Variants in USP16 observed in about 807,000 individuals in gnomAD.
The protein encoded by USP16 is ubiquitin specific peptidase 16, also known as ubiquitin carboxyl-terminal hydrolase 16.
In USP16, 77 loss-of-function variants were observed where a neutral mutation model predicts 95.9. That is an observed-to-expected ratio of 0.80 (90% CI 0.67 to 0.97). The LOEUF (loss-of-function observed/expected upper bound fraction) is 0.97. USP16 is among the 50% of genes least tolerant of loss of function. USP16 has a pLI of 0.00. For missense variants in USP16, 943 were observed against 959.9 expected (o/e 0.98, Z 0.23); for synonymous variants, 303 against 318.2 (o/e 0.95, Z 0.51).
At chr21:29,029,182 G>A (rs1272413827) in intron 2 of USP16, among the ~76,000 whole-genome samples, 1 of 152,244 alleles carries the variant, frequency 6.6e-6, no homozygotes, top group Non-Finnish European at 1.5e-5. Flanking sequence ...GGGAGGCCAA[G>A]GCGGGCAGAT....
At chr21:29,037,542 C>A in intron 6 of USP16, 79 bp downstream of exon 6, 3 of 1,071,042 alleles carry the variant, frequency 2.8e-6, no homozygotes, top group Non-Finnish European at 3.8e-6. Flanking sequence ...TGAGTTTTTT[C>A]CACCTGAGTA....
intron 4 of USP16, among the ~76,000 whole-genome samples, chr21:29,036,002 T>C (rs2085150687): frequency 6.6e-6 from 1 of 152,234 alleles, no homozygotes; most frequent in African/African-American, 2.4e-5. Flanking sequence ...ATGTAAACAA[T>C]CTTTTGACTT....
intron 9 of USP16, 70 bp downstream of exon 9, chr21:29,039,638 A>G (rs1034236161): frequency 1.4e-6 from 2 of 1,421,614 alleles, no homozygotes; most frequent in African/African-American, 1.4e-5. Context: ...TTGATATCTT[A>G]CGAGTTAAAA....
At chr21:29,025,639 A>G in intron 1 of USP16, 11 of 513,542 alleles carry the variant, frequency 2.1e-5, no homozygotes, top group Non-Finnish European at 2.8e-5. Context: ...CTCAAACCAG[A>G]TTTACTAGTG....
At chr21:29,045,957 C>T (rs1168187227) in intron 13 of USP16, among the ~76,000 whole-genome samples, 1 of 152,104 alleles carries the variant, frequency 6.6e-6, no homozygotes. Flanking sequence ...AGGCGCGCAC[C>T]ACCCATGTGT....
At chr21:29,028,957 C>T (rs2085036028) in intron 2 of USP16, among the ~76,000 whole-genome samples, 1 of 152,170 alleles carries the variant, frequency 6.6e-6, no homozygotes, top group Admixed American at 6.5e-5. Context: ...AGGGTGTAAA[C>T]ATTTTTAAGA....
intron 7 of USP16, 33 bp downstream of exon 7, chr21:29,038,463 T>A: frequency 1.4e-6 from 2 of 1,425,738 alleles, no homozygotes; most frequent in Non-Finnish European, 2.0e-6. Flanking sequence ...GTCTGTAACT[T>A]TCCTCTCTGA....
chr21:29,046,829 G>A lies in USP16; in HGVS notation c.1519G>A (p.Glu507Lys), dbSNP rs1334486570. The change falls in exon 14 of 18, where the codon GAA (glutamate) becomes AAA (lysine). Residue 507 changes from glutamate (E) to lysine (K), a missense_variant. Transcript: ENST00000399976. Reference sequence around the variant, plus strand: ...TTCACAAGAGGGTGTTATGCATAAAGAATATTGTGTCAACCAGAAAGATTT... The same window carrying A: ...TTCACAAGAGGGTGTTATGCATAAAAAATATTGTGTCAACCAGAAAGATTT... The part of the protein sequence containing the change: ...HISQEGVMHK[E>K]YCVNQKDLNG... 2.5e-6 allele frequency: 4 copies of A among 1,614,134 alleles called. No individual in the cohort carries two copies. The highest frequency in any genetic ancestry group is 3.4e-6 in the Non-Finnish European group (4 of 1,180,020).
intron 15 of USP16, among the ~76,000 whole-genome samples, chr21:29,049,600 C>T (rs541355770): frequency 6.6e-6 from 1 of 152,322 alleles, no homozygotes; most frequent in African/African-American, 2.4e-5. Flanking sequence ...TGTTCTGTCA[C>T]CCAGGCTGGT....
At chr21:29,025,077 G>C (rs2084966501) in intron 1 of USP16, among the ~76,000 whole-genome samples, 1 of 152,222 alleles carries the variant, frequency 6.6e-6, no homozygotes, top group African/African-American at 2.4e-5. Flanking sequence ...CGAGCAAATG[G>C]GTGGGTGGCG....
Position 29,034,850 on chromosome 21 carries a change from A to T in USP16, c.254A>T (p.Asn85Ile). 6.2e-7 allele frequency: 1 copy of T among 1,613,994 alleles called. No individual in the cohort carries two copies. The highest frequency in any genetic ancestry group is 8.5e-7 in the Non-Finnish European group (1 of 1,179,960). The change falls in exon 4 of 18, where the codon AAT becomes ATT. Residue 85 changes from asparagine (N) to isoleucine (I), a missense_variant. Coordinates refer to ENST00000399976, the MANE Select transcript of USP16 (RefSeq NM_006447.3). ...LKCGHQGCGRNSQEQHALKHY... is the reference protein window; with the variant it reads ...LKCGHQGCGRISQEQHALKHY... ...TGATTTTTTTAGGGCTGTGGCAGAA[A>T]TTCTCAGGAGCAGCATGCCTTGAAG...
Position 29,042,119 on chromosome 21 carries a change from T to C in USP16, c.1122+15T>C. The C allele has an allele frequency of 1.3e-6, 2 of 1,596,080 alleles. No individual in the cohort carries two copies. The highest frequency in any genetic ancestry group is 1.7e-6 in the Non-Finnish European group (2 of 1,168,420). Reference sequence around the variant, plus strand: ...AATGCAGAACTGTAAGTAGATGTCATGTATACTGGGTTTATTTGCTAATAT... The same window carrying C: ...AATGCAGAACTGTAAGTAGATGTCACGTATACTGGGTTTATTTGCTAATAT... On this transcript the variant is annotated intron_variant, in intron 11 of 17. Transcript: ENST00000399976.
At position 29,050,108 on chromosome 21, in the gene USP16, G is replaced by A. The variant is rs776153683; in HGVS notation, c.2123G>A (p.Arg708His). The A allele has an allele frequency of 1.6e-5, 26 of 1,612,796 alleles. No homozygotes were observed. In the Admixed American group the frequency reaches 2.7e-4, roughly 17 times the overall value. Residue 708 changes from arginine to histidine, a missense_variant, in exon 16 of 18, where the codon CGC becomes CAC. Arg to His is a conservative substitution (Grantham distance 29). Coordinates refer to ENST00000399976, the MANE Select transcript of USP16 (RefSeq NM_006447.3). Reference sequence around the variant, plus strand: ...CTCTTTTAGGCTGGTTTTAACCTACGCAAAGTTAACAAACACATAAAGTTT... The same window carrying A: ...CTCTTTTAGGCTGGTTTTAACCTACACAAAGTTAACAAACACATAAAGTTT... ...KRFQQAGFNL[R>H]KVNKHIKFPE...
rs1568897730 is a variant in USP16, at chr21:29,047,176, C to G, written c.1866C>G (p.Asn622Lys). 1 of 1,614,022 alleles carries G rather than the reference C, an allele frequency of 6.2e-7. No homozygotes were observed. Among genetic ancestry groups the G allele is most frequent in the Non-Finnish European group, 8.5e-7 (1 of 1,180,018 alleles). Residue 622 changes from asparagine to lysine, a missense_variant, in exon 14 of 18, where the codon AAC becomes AAG. Asn to Lys is a moderately conservative substitution (Grantham distance 94, BLOSUM62 0). Coordinates refer to ENST00000399976, the MANE Select transcript of USP16 (RefSeq NM_006447.3). ...AAACTGCTTTCTGTACTCTTGCAAA[C>G]AGGGAAGTTTTCAATACTGATGAGT... Reference protein sequence around the residue: ...DPETAFCTLANREVFNTDECS... With the variant: ...DPETAFCTLAKREVFNTDECS...
intron 3 of USP16, among the ~76,000 whole-genome samples, chr21:29,033,177 GAC>G (rs1367483756): frequency 6.6e-6 from 1 of 152,094 alleles, no homozygotes; most frequent in African/African-American, 2.4e-5. Flanking sequence ...GTAAGAATAA[GAC>G]ATGTCAGTAT....
Position 29,050,188 on chromosome 21 carries a change from AG to A in USP16, c.2193+11del. 1 of 1,610,688 alleles carries A rather than the reference AG, an allele frequency of 6.2e-7. No homozygotes were observed. Among genetic ancestry groups the A allele is most frequent in the Non-Finnish European group, 8.5e-7 (1 of 1,179,184 alleles). ...CACCCTTAAATGTAAGGTAAGTCAA[AG>A]TGGTCTTTTTCAGGAAAGTCCTTTA... On this transcript the variant is annotated intron_variant, in intron 16 of 17. Transcript: ENST00000399976.
intron 16 of USP16, chr21:29,052,687 G>C (rs183147515): frequency 2.0e-5 from 3 of 152,306 alleles, no homozygotes; most frequent in Admixed American, 1.3e-4. Context: ...GATCCTGTTA[G>C]GTTAAAGAGT....
At position 29,046,753 on chromosome 21, in the gene USP16, T is replaced by C; in HGVS notation, c.1443T>C (p.Tyr481=). 6.2e-7 allele frequency: 1 copy of C among 1,614,058 alleles called. No individual in the cohort carries two copies. The highest frequency in any genetic ancestry group is 1.1e-5 in the South Asian group (1 of 91,088). The change falls in exon 14 of 18, where the codon TAT becomes TAC. Residue 481 remains tyrosine (Y), a synonymous_variant. Transcript: ENST00000399976. ...CTIDHPEDSE[Y]EAEMSLQGEV... is the part of the protein sequence containing the mutation. The stretch of plus-strand genomic sequence containing the variant: ...TTGACCATCCTGAAGACAGTGAATA[T>C]GAAGCTGAAATGTCACTTCAAGGAG...
At position 29,028,034 on chromosome 21, in the gene USP16, G is replaced by T. The variant is rs1459320794; in HGVS notation, c.61+60G>T. On this transcript the variant is annotated intron_variant, in intron 2 of 17. Coordinates refer to ENST00000399976, the MANE Select transcript of USP16 (RefSeq NM_006447.3). ...TCTCTAAATGAATATGTTTTAAAATGTAAAAATGGTATAAAGCTGCATATT... is the reference window on the plus strand; with the variant it reads ...TCTCTAAATGAATATGTTTTAAAATTTAAAAATGGTATAAAGCTGCATATT... The T allele has an allele frequency of 2.0e-5, 26 of 1,288,522 alleles. No homozygotes were observed. The East Asian group carries it at 6.5e-4, about 32-fold the overall frequency. The allele number at this position is 1,288,522 out of a possible 1,614,324, so 79.8% of individuals were successfully genotyped here.
Sources: gnomAD v4.1 joint callset for allele counts (sites outside exome capture counted in the v4.1 genomes callset) on GRCh38, gnomAD v4.1.1 for gene constraint, MANE v1.5 for transcripts, NCBI Gene and HGNC (gene_info 2026-07-23, HGNC 2026-07-21) for gene names.